Variants in ARHGEF4 observed in about 807,000 individuals in gnomAD.
The protein encoded by ARHGEF4 is Rho guanine nucleotide exchange factor 4, also known as APC-stimulated guanine nucleotide exchange factor 1.
In ARHGEF4, 119 loss-of-function variants were observed where a neutral mutation model predicts 162.0. The observed-to-expected ratio is 0.73, with a 90% confidence interval of 0.63 to 0.86. The LOEUF is 0.86. ARHGEF4 is among the 40% of genes least tolerant of loss of function. The probability of loss-of-function intolerance (pLI) is 0.00; values close to 1 mark genes in which losing one functional copy is unlikely to be tolerated. For synonymous variants in ARHGEF4, 1,014 were observed against 979.9 expected (o/e 1.03, Z -0.65); for missense variants, 2,488 against 2,456.0 (o/e 1.01, Z -0.28).
Position 131,040,494 on chromosome 2 carries a change from G to C in ARHGEF4, c.4662+54G>C, listed in dbSNP as rs1212933605. 5.4e-6 allele frequency: 8 copies of C among 1,476,066 alleles called. No homozygotes were observed. In the Admixed American group the frequency reaches 7.5e-5, roughly 14 times the overall value. 91.4% of individuals were successfully genotyped at this position (1,476,066 alleles called of 1,614,324 possible). A position where few individuals can be genotyped will look rare whatever the true frequency, so the allele number is the denominator to read the frequency against. On this transcript the variant is annotated intron_variant, in intron 8 of 13. Transcript: ENST00000409359. ...GGGCGCTGCGTTCACAGAGGCTGCC[G>C]CGGGCGCCAGCGCGGACAGCGGGTG... is the stretch of plus-strand genomic sequence containing the variant.
At chr2:130,989,465 A>G (rs1466544432) in intron 4 of ARHGEF4, among the ~76,000 whole-genome samples, 1 of 152,220 alleles carries the variant, frequency 6.6e-6, no homozygotes, top group East Asian at 1.9e-4. Flanking sequence ...AAAATATACA[A>G]TATCATAAAT....
chr2:130,916,013 T>A lies in ARHGEF4; in HGVS notation c.2067T>A (p.Cys689Ter), dbSNP rs1303296749. 6.5e-7 allele frequency: 1 copy of A among 1,550,224 alleles called. No individual in the cohort carries two copies. The highest frequency in any genetic ancestry group is 8.7e-7 in the Non-Finnish European group (1 of 1,146,934). The change falls in exon 2 of 14, where the codon TGT (cysteine) becomes TGA (stop). Residue 689 changes from cysteine (C) to a stop codon, truncating the protein, a stop_gained. Transcript: ENST00000409359. LOFTEE classifies it high-confidence loss of function. Reference sequence around the variant, plus strand: ...GGAAAACACCAGCCGGTAATGAGTGTGAGTTGCCAGCAGCCCCCATACAGG... The same window carrying A: ...GGAAAACACCAGCCGGTAATGAGTGAGAGTTGCCAGCAGCCCCCATACAGG... ...TRGKTPAGNE[C>*]ELPAAPIQGA... is the part of the protein sequence containing the mutation.
chr2:130,933,025 G>A, intron 3 of ARHGEF4, among the ~76,000 whole-genome samples: 1 of 152,074 alleles, frequency 6.6e-6, no homozygotes, highest in East Asian at 1.9e-4. Flanking sequence ...ACGTCAGCCT[G>A]GACAACATGG....
At position 130,935,404 on chromosome 2, in the gene ARHGEF4, A is replaced by T. The variant is rs144868692; in HGVS notation, c.3858+4147A>T. ...TCATCTTTATTATTTTCTTCCATCT[A>T]TTAGCTTTGGGGTTAGTTTGTGCTT... On this transcript the variant is annotated intron_variant, in intron 3 of 13. Coordinates refer to ENST00000409359, the MANE Select transcript of ARHGEF4 (RefSeq NM_001367493.1). Among the ~76,000 whole-genome samples, 239 of 152,196 alleles carry T rather than the reference A, an allele frequency of 1.6e-3. 1 individual carries two copies. The highest frequency in any genetic ancestry group is 5.3e-3 in the African/African-American group (220 of 41,542).
intron 3 of ARHGEF4, among the ~76,000 whole-genome samples, chr2:130,945,198 A>C (rs375957828): frequency 2.6e-5 from 4 of 151,914 alleles, no homozygotes. Flanking sequence ...TCCTCTTGGC[A>C]TTCTCCCAGG....
Position 131,039,833 on chromosome 2 carries a change from G to A in ARHGEF4, c.4306-183G>A, listed in dbSNP as rs890548697. 187 of 1,410,824 alleles carry A rather than the reference G, an allele frequency of 1.3e-4. 2 individuals are homozygous for A. The highest frequency in any genetic ancestry group is 4.7e-4 in the Admixed American group (15 of 31,934). 87.4% of individuals were successfully genotyped at this position (1,410,824 alleles called of 1,614,324 possible). A position where few individuals can be genotyped will look rare whatever the true frequency, so the allele number is the denominator to read the frequency against. Reference sequence around the variant, plus strand: ...GACGGCGGCTGCGGGCGTCGGAGTCGTCATTCCTCGGTCCAGGACTTGCGT... The same window carrying A: ...GACGGCGGCTGCGGGCGTCGGAGTCATCATTCCTCGGTCCAGGACTTGCGT... On this transcript the variant is annotated intron_variant, in intron 6 of 13. Transcript: ENST00000409359.
intron 5 of ARHGEF4, chr2:131,034,889 G>GC (rs1480704872): frequency 1.3e-6 from 1 of 774,690 alleles, no homozygotes; most frequent in Non-Finnish European, 1.6e-6. Context: ...CGCCGCCGCC[G>GC]CCCCCGCCCG....
intron 4 of ARHGEF4, chr2:130,946,922 G>A (rs1279396183): frequency 3.5e-6 from 1 of 289,078 alleles, no homozygotes; most frequent in East Asian, 7.6e-5. Context: ...GGGCAACATG[G>A]TGAAACCCCA....
At chr2:130,946,773 T>C in intron 4 of ARHGEF4, 138 bp downstream of exon 4, 1 of 1,267,702 alleles carries the variant, frequency 7.9e-7, no homozygotes, top group Non-Finnish European at 1.1e-6. Context: ...ATTGTCCTCT[T>C]CCTTCAGTTA....
intron 1 of ARHGEF4, among the ~76,000 whole-genome samples, chr2:130,868,168 G>A (rs1309743704): frequency 3.9e-5 from 6 of 152,032 alleles, no homozygotes; most frequent in Admixed American, 2.6e-4. Context: ...GTCGTGATCC[G>A]CCCGCCCCGG....
At chr2:130,985,952 G>A (rs1039492533) in intron 4 of ARHGEF4, among the ~76,000 whole-genome samples, 9 of 150,818 alleles carry the variant, frequency 6.0e-5, no homozygotes, top group East Asian at 3.9e-4. Flanking sequence ...TGAGTGTTGT[G>A]TGTGTGTGGT....
chr2:130,954,350 C>G (rs189488964), intron 4 of ARHGEF4, among the ~76,000 whole-genome samples: 4 of 152,214 alleles, frequency 2.6e-5, no homozygotes, highest in Admixed American at 2.0e-4. Context: ...GGGAAGTGAA[C>G]AATGAGAACA....
At chr2:130,953,493 T>C (rs1213282734) in intron 4 of ARHGEF4, among the ~76,000 whole-genome samples, 2 of 152,234 alleles carry the variant, frequency 1.3e-5, no homozygotes, top group East Asian at 3.8e-4. Context: ...GACATAGGCA[T>C]GGGCGAGGAC....
At chr2:130,910,618 T>C (rs1681118544) in intron 1 of ARHGEF4, among the ~76,000 whole-genome samples, 1 of 152,166 alleles carries the variant, frequency 6.6e-6, no homozygotes, top group African/African-American at 2.4e-5. Flanking sequence ...TCCGAGGATT[T>C]AAACAGTCAA....
chr2:130,933,572 C>T (rs181032430), intron 3 of ARHGEF4, among the ~76,000 whole-genome samples: 3 of 152,198 alleles, frequency 2.0e-5, no homozygotes, highest in Admixed American at 2.0e-4. Flanking sequence ...GGTGTCTTTC[C>T]GTTTTTGGGA....
chr2:130,894,573 T>C (rs1680046646), intron 1 of ARHGEF4, among the ~76,000 whole-genome samples: 1 of 152,094 alleles, frequency 6.6e-6, no homozygotes, highest in Non-Finnish European at 1.5e-5. Context: ...GGAGAGGAGA[T>C]TTCACTGTTA....
intron 1 of ARHGEF4, among the ~76,000 whole-genome samples, chr2:130,897,422 C>T (rs756281910): frequency 2.0e-5 from 3 of 152,166 alleles, no homozygotes; most frequent in Admixed American, 6.5e-5. Context: ...GCTTCCCATG[C>T]GCAGTCTAGT....
chr2:130,870,537 C>A (rs532597028), intron 1 of ARHGEF4, among the ~76,000 whole-genome samples: 1 of 152,266 alleles, frequency 6.6e-6, no homozygotes, highest in South Asian at 2.1e-4. Flanking sequence ...TTCCTGCACC[C>A]AATCTCATAT....
intron 1 of ARHGEF4, among the ~76,000 whole-genome samples, chr2:130,894,378 G>A (rs970884078): frequency 1.3e-5 from 2 of 152,042 alleles, no homozygotes; most frequent in African/African-American, 2.4e-5. Context: ...TTGAGGTTTC[G>A]TCAAGAAGAC....
Sources: allele counts gnomAD v4.1 joint callset (sites outside exome capture counted in the v4.1 genomes callset), GRCh38; gene constraint gnomAD v4.1.1; transcripts MANE v1.5; gene names NCBI Gene and HGNC (gene_info 2026-07-23, HGNC 2026-07-21).